Variants in DOCK10 observed in about 807,000 individuals in gnomAD.
DOCK10 encodes dedicator of cytokinesis protein 10.
DOCK10 carries 145 observed loss-of-function variants against 280.1 expected under a neutral mutation model. The ratio of observed to expected loss-of-function variants is 0.52; its 90% CI spans 0.45 to 0.59. The LOEUF is 0.59. Ranked by LOEUF, DOCK10 falls within the 20% of genes least tolerant of loss-of-function variation. The pLI is 0.00. For synonymous variants in DOCK10, 915 were observed against 942.2 expected, an observed-to-expected ratio of 0.97 and a Z score of 0.53; for missense variants, 2,368 against 2,651.7, an observed-to-expected ratio of 0.89 and a Z score of 2.35.
chr2:225,018,032 C>T (rs1689664722), intron 1 of DOCK10, among the ~76,000 whole-genome samples: 1 of 152,124 alleles, frequency 6.6e-6, no homozygotes, highest in African/African-American at 2.4e-5. Flanking sequence ...AGAACGGCCC[C>T]CTAGGTGTCC....
At chr2:224,810,331 C>T (rs1489218607) in intron 31 of DOCK10, among the ~76,000 whole-genome samples, 1 of 152,032 alleles carries the variant, frequency 6.6e-6, no homozygotes, top group Non-Finnish European at 1.5e-5. Context: ...CTGCCATGGG[C>T]TGGGGAATGG....
chr2:224,803,864 C>A (rs1175842346), intron 39 of DOCK10, among the ~76,000 whole-genome samples: 1 of 152,070 alleles, frequency 6.6e-6, no homozygotes, highest in Non-Finnish European at 1.5e-5. Context: ...TCTAAGTGCA[C>A]ACATATATGG....
At chr2:224,828,434 A>C (rs1695006449) in intron 27 of DOCK10, among the ~76,000 whole-genome samples, 1 of 152,168 alleles carries the variant, frequency 6.6e-6, no homozygotes. Flanking sequence ...GTCCTGGCAG[A>C]GGATAGAGGA....
chr2:224,811,053 T>C (rs1267631336), intron 31 of DOCK10, among the ~76,000 whole-genome samples: 1 of 152,136 alleles, frequency 6.6e-6, no homozygotes. Flanking sequence ...CCCTGAGGAA[T>C]CGCCACACTG....
Position 224,845,639 on chromosome 2 carries a change from T to G in DOCK10, c.2239A>C (p.Lys747Gln). The G allele has an allele frequency of 6.2e-7, 1 of 1,608,950 alleles. No homozygotes were observed. Residue 747 changes from lysine (K) to glutamine (Q), a missense_variant, in exon 20 of 56, where the codon AAA (lysine) becomes CAA (glutamine). Coordinates refer to ENST00000258390, the MANE Select transcript of DOCK10 (RefSeq NM_014689.3). ...SQNPDFSDEV[K>Q]IELPTQLHEK... ...TGGAGTTGTGTTGGTAGCTCAATTT[T>G]CACCTGCAACGAAAGAAACCATAGT...
At chr2:224,842,093 C>T (rs1696002929) in intron 22 of DOCK10, among the ~76,000 whole-genome samples, 197 bp from the exon 23 acceptor site, 1 of 152,110 alleles carries the variant, frequency 6.6e-6, no homozygotes, top group African/African-American at 2.4e-5. Flanking sequence ...ACTACAAAGC[C>T]CACTCTCTCT....
chr2:225,015,502 C>T (rs1689565174), intron 1 of DOCK10, among the ~76,000 whole-genome samples: 1 of 152,182 alleles, frequency 6.6e-6, no homozygotes, highest in Admixed American at 6.5e-5. Context: ...AGACTGTAGA[C>T]TAATCTGGAG....
rs923731233 is a variant in DOCK10 at position 224,835,553 on chromosome 2, T to C, written c.2851-1290A>G. Among the ~76,000 whole-genome samples the C allele has an allele frequency of 5.5e-4, 84 of 152,322 alleles. 1 individual carries two copies. Among genetic ancestry groups the C allele is most frequent in the African/African-American group, 2.0e-3 (82 of 41,572 alleles). On this transcript the variant is annotated intron_variant, in intron 25 of 55. Coordinates refer to ENST00000258390, the MANE Select transcript of DOCK10 (RefSeq NM_014689.3). ...TACAAATTGTATTGAATATCACATCTTTGGAGGACATTCAAGCACGCACTG... is the reference window on the plus strand; with the variant it reads ...TACAAATTGTATTGAATATCACATCCTTGGAGGACATTCAAGCACGCACTG...
At chr2:224,956,218 C>T (rs907338829) in intron 1 of DOCK10, among the ~76,000 whole-genome samples, 1 of 152,190 alleles carries the variant, frequency 6.6e-6, no homozygotes, top group South Asian at 2.1e-4. Context: ...AGAAGAGACT[C>T]TCCAGTGTTT....
chr2:224,901,055 T>A (rs1700271420), intron 3 of DOCK10, among the ~76,000 whole-genome samples: 2 of 152,224 alleles, frequency 1.3e-5, no homozygotes, highest in African/African-American at 4.8e-5. Flanking sequence ...AGCCAGTGCA[T>A]TTTACAAACA....
chr2:224,826,189 G>A (rs1271775133), intron 27 of DOCK10, among the ~76,000 whole-genome samples: 4 of 152,132 alleles, frequency 2.6e-5, no homozygotes, highest in Admixed American at 2.6e-4. Flanking sequence ...TCAGCCTCCT[G>A]AGTAGCTGGG....
At chr2:224,983,737 C>T in intron 1 of DOCK10, 1 of 470,748 alleles carries the variant, frequency 2.1e-6, no homozygotes. Flanking sequence ...AAACATGCTT[C>T]TTTTTCTTTT....
intron 1 of DOCK10, chr2:224,946,808 G>A: frequency 6.9e-7 from 1 of 1,445,756 alleles, no homozygotes; most frequent in South Asian, 1.3e-5. Flanking sequence ...AGGATTGAAG[G>A]AAAGATGGAA....
rs1425228427 is a variant in DOCK10, at chr2:224,970,948, T to G, written c.124-39280A>C. ...GGAACTATAGCTCATTATTTCTGGA[T>G]TAAGAGGAGGAAATACCATGTAGTT... is the stretch of plus-strand genomic sequence containing the variant. On this transcript the variant is annotated intron_variant, in intron 1 of 55. Coordinates refer to ENST00000258390, the MANE Select transcript of DOCK10 (RefSeq NM_014689.3). The surrounding 1 kb of genome is among the most constrained non-coding windows in gnomAD (Gnocchi z 4.6). 1.3e-5 allele frequency among the ~76,000 whole-genome samples: 2 copies of G among 152,152 alleles called. No homozygotes were observed. Among genetic ancestry groups the G allele is most frequent in the Non-Finnish European group, 2.9e-5 (2 of 68,024 alleles).
intron 8 of DOCK10, among the ~76,000 whole-genome samples, chr2:224,875,257 T>C (rs112000971): frequency 7.2e-5 from 11 of 152,180 alleles, no homozygotes; most frequent in African/African-American, 2.2e-4. Flanking sequence ...AAATCAGCAA[T>C]AGTTTTTTTC....
intron 1 of DOCK10, among the ~76,000 whole-genome samples, chr2:225,020,161 T>C (rs966941062): frequency 1.3e-4 from 20 of 152,132 alleles, no homozygotes; most frequent in African/African-American, 4.6e-4. Flanking sequence ...TAATGGTTCA[T>C]AAGTGAATAG....
Position 224,923,976 on chromosome 2 carries a change from C to A in DOCK10, c.244-7192G>T, listed in dbSNP as rs551178253. Among the ~76,000 whole-genome samples, 14 of 152,188 alleles carry A rather than the reference C, an allele frequency of 9.2e-5. 1 individual carries two copies. The highest frequency in any genetic ancestry group is 1.6e-4 in the Non-Finnish European group (11 of 68,024). The stretch of plus-strand genomic sequence containing the variant: ...ACCTGTGTGTTTTATTGTTTATAAG[C>A]AAGCCACATTACATCTGCTTTGGGG... On this transcript the variant is annotated intron_variant, in intron 2 of 55. Transcript: ENST00000258390.
At chr2:224,915,132 C>T (rs1701236380) in intron 3 of DOCK10, among the ~76,000 whole-genome samples, 1 of 152,118 alleles carries the variant, frequency 6.6e-6, no homozygotes, top group Non-Finnish European at 1.5e-5. Context: ...TTAAACTTCC[C>T]CATTAGGAAG....
At chr2:224,997,785 G>A (rs1034087639) in intron 1 of DOCK10, among the ~76,000 whole-genome samples, 5 of 152,120 alleles carry the variant, frequency 3.3e-5, no homozygotes, top group Admixed American at 6.5e-5. Flanking sequence ...AAAGCACCAG[G>A]ATAGAATTCA....
Sources: allele counts gnomAD v4.1 joint callset (sites outside exome capture counted in the v4.1 genomes callset), GRCh38; gene constraint gnomAD v4.1.1; non-coding constraint Gnocchi (gnomAD v3.1); transcripts MANE v1.5; gene names NCBI Gene and HGNC (gene_info 2026-07-23, HGNC 2026-07-21).